Variants in FAM13B observed in about 807,000 individuals in gnomAD.
FAM13B encodes family with sequence similarity 13 member B, also known as protein FAM13B.
A neutral mutation model predicts 117.3 loss-of-function variants in FAM13B; 60 were observed. That is an observed-to-expected ratio of 0.51 (90% CI 0.42 to 0.63). The LOEUF (loss-of-function observed/expected upper bound fraction) is 0.63. FAM13B is among the 30% of genes least tolerant of loss of function. FAM13B has a pLI of 0.00. For missense variants in FAM13B, 972 were observed against 1,091.9 expected, an observed-to-expected ratio of 0.89 and a Z score of 1.55; for synonymous variants, 332 against 356.1, an observed-to-expected ratio of 0.93 and a Z score of 0.76.
intron 7 of FAM13B, among the ~76,000 whole-genome samples, chr5:138,004,642 G>A (rs909115437): frequency 1.3e-5 from 2 of 152,124 alleles, no homozygotes; most frequent in East Asian, 1.9e-4. Flanking sequence ...ACAAGTGGCC[G>A]GGCACAGTGG....
At chr5:137,993,630 CA>C (rs1420810202) in intron 7 of FAM13B, among the ~76,000 whole-genome samples, 2 of 150,602 alleles carry the variant, frequency 1.3e-5, no homozygotes, top group Non-Finnish European at 3.0e-5. Flanking sequence ...AAAAAAAATA[CA>C]AAAAAATTAG....
chr5:137,999,360 G>A (rs939918043), intron 7 of FAM13B, among the ~76,000 whole-genome samples: 5 of 152,108 alleles, frequency 3.3e-5, no homozygotes, highest in African/African-American at 9.7e-5. Context: ...GGCAGATCAT[G>A]AGGTCAGGAG....
At chr5:138,024,385 G>A (rs1169539433) in intron 1 of FAM13B, among the ~76,000 whole-genome samples, 2 of 151,942 alleles carry the variant, frequency 1.3e-5, no homozygotes, top group Admixed American at 1.3e-4. Context: ...GAAATGCCAG[G>A]AACTACCAGA....
At chr5:137,940,414 CT>C in intron 23 of FAM13B, 66 bp from the exon 24 acceptor site, 1 of 1,116,806 alleles carries the variant, frequency 9.0e-7, no homozygotes, top group Non-Finnish European at 1.3e-6. Flanking sequence ...CAAAAGTTGT[CT>C]TAATATGAGA....
intron 17 of FAM13B, among the ~76,000 whole-genome samples, 198 bp downstream of exon 17, chr5:137,952,430 C>T (rs191063805): frequency 1.3e-5 from 2 of 151,974 alleles, no homozygotes; most frequent in African/African-American, 2.4e-5. Flanking sequence ...AAATATAATA[C>T]AGAACTACAG....
chr5:138,018,051 C>G (rs762513514), intron 4 of FAM13B, among the ~76,000 whole-genome samples: 12 of 152,174 alleles, frequency 7.9e-5, no homozygotes, highest in Non-Finnish European at 1.3e-4. Context: ...TTGTTCTTGT[C>G]TCCTCCCTTT....
intron 5 of FAM13B, 27 bp from the exon 6 acceptor site, chr5:138,011,176 G>C: frequency 6.3e-7 from 1 of 1,579,740 alleles, no homozygotes; most frequent in Non-Finnish European, 8.5e-7. Context: ...AAATTGAATT[G>C]AGAGTTCTTA....
At chr5:138,021,431 G>C (rs1284229087) in intron 1 of FAM13B, among the ~76,000 whole-genome samples, 1 of 152,192 alleles carries the variant, frequency 6.6e-6, no homozygotes, top group African/African-American at 2.4e-5. Context: ...AATTGCAAAG[G>C]AGGATATGTG....
intron 6 of FAM13B, 58 bp downstream of exon 6, chr5:138,010,950 T>C (rs1783823224): frequency 4.6e-6 from 6 of 1,308,804 alleles, no homozygotes; most frequent in Non-Finnish European, 5.9e-6. Flanking sequence ...TAAGAGCATA[T>C]TATTCTTAAA....
intron 7 of FAM13B, among the ~76,000 whole-genome samples, chr5:137,989,552 T>C (rs905052027): frequency 1.3e-5 from 2 of 152,244 alleles, no homozygotes; most frequent in East Asian, 3.9e-4. Flanking sequence ...TGACTAGGTG[T>C]AGTGGTTCAT....
chr5:137,943,123 A>T lies in FAM13B; in HGVS notation c.2424+10T>A. ...GAAGGGATCAGATAATTATTTCTTT[A>T]AAGGATTACCTTGATTTCTTCAAAA... On this transcript the variant is annotated intron_variant, in intron 21 of 23. Transcript: ENST00000689681. 3 of 1,613,782 alleles carry T rather than the reference A, an allele frequency of 1.9e-6. No individual in the cohort carries two copies. The highest frequency in any genetic ancestry group is 2.5e-6 in the Non-Finnish European group (3 of 1,179,702).
intron 10 of FAM13B, among the ~76,000 whole-genome samples, chr5:137,968,937 C>T (rs748134140): frequency 9.8e-5 from 15 of 152,332 alleles, no homozygotes; most frequent in South Asian, 2.1e-4. Flanking sequence ...CATTATATCC[C>T]GCACCTGGCT....
At chr5:138,021,299 T>C in intron 1 of FAM13B, 102 bp from the exon 2 acceptor site, 8 of 889,448 alleles carry the variant, frequency 9.0e-6, no homozygotes, top group Non-Finnish European at 1.2e-5. Flanking sequence ...GTTACCTATA[T>C]TGAAAGGTAT....
chr5:138,024,831 AGAGAAAGAGAG>A (rs1787821978), intron 1 of FAM13B, among the ~76,000 whole-genome samples: 2 of 149,416 alleles, frequency 1.3e-5, no homozygotes, highest in Non-Finnish European at 3.0e-5. Context: ...AGAGAGAGAG[AGAGAAAGAGAG>A]AGAGAGAGAG....
intron 1 of FAM13B, among the ~76,000 whole-genome samples, chr5:138,049,612 A>G (rs1219857127): frequency 6.6e-6 from 1 of 152,154 alleles, no homozygotes; most frequent in Non-Finnish European, 1.5e-5. Flanking sequence ...ACCTCTTTTC[A>G]TTTGGAGTAA....
At chr5:138,028,450 G>A (rs573139478) in intron 1 of FAM13B, among the ~76,000 whole-genome samples, 1 of 152,192 alleles carries the variant, frequency 6.6e-6, no homozygotes, top group Admixed American at 6.5e-5. Context: ...TAGGTCCCCT[G>A]AGATTAAAAC....
rs1777556838 is a variant in FAM13B at position 137,987,585 on chromosome 5, C to T, written c.922G>A (p.Glu308Lys). Reference sequence around the variant, plus strand: ...CTCTGAAGATCAAAAAGGTGCTGTTCCACAGCTGCTCTAATTGTTCTTTCT... The same window carrying T: ...CTCTGAAGATCAAAAAGGTGCTGTTTCACAGCTGCTCTAATTGTTCTTTCT... The part of the protein sequence containing the change: ...ILERTIRAAV[E>K]QHLFDLQSSI... Residue 308 changes from glutamate to lysine, a missense_variant, in exon 9 of 24, where the codon GAA (glutamate) becomes AAA (lysine). Physicochemically the swap from Glu to Lys is moderately conservative, Grantham distance 56. Transcript: ENST00000689681. 2.4e-5 allele frequency: 38 copies of T among 1,612,562 alleles called. No homozygotes were observed. Among genetic ancestry groups the T allele is most frequent in the Non-Finnish European group, 3.2e-5 (38 of 1,179,450 alleles).
At chr5:137,983,177 A>T (rs932510554) in intron 10 of FAM13B, among the ~76,000 whole-genome samples, 48 of 4,250 alleles carry the variant, frequency 0.011, no homozygotes, top group Middle Eastern at 0.17. Flanking sequence ...CAGTGTAGGT[A>T]AAAAAAAAAA....
chr5:138,048,070 GAAAA>G, intron 1 of FAM13B, among the ~76,000 whole-genome samples: 1 of 151,762 alleles, frequency 6.6e-6, no homozygotes, highest in Non-Finnish European at 1.5e-5. Flanking sequence ...TAGAAAGAAA[GAAAA>G]AAGAAAGAAA....
Sources: gnomAD v4.1 joint callset for allele counts (sites outside exome capture counted in the v4.1 genomes callset) on GRCh38, gnomAD v4.1.1 for gene constraint, MANE v1.5 for transcripts, NCBI Gene and HGNC (gene_info 2026-07-23, HGNC 2026-07-21) for gene names.